Variants in SCHIP1 observed in about 807,000 individuals in gnomAD.
SCHIP1 encodes the protein schwannomin interacting protein 1.
Under a neutral mutation model 29.7 loss-of-function variants are expected in SCHIP1, and 8 were observed. The observed-to-expected ratio is 0.27, with a 90% CI of 0.16 to 0.49. The LOEUF (loss-of-function observed/expected upper bound fraction) is 0.49, where lower values mean the gene tolerates loss of function less well. SCHIP1 is among the 20% of genes least tolerant of loss of function. The probability of loss-of-function intolerance (pLI) is 0.99; values close to 1 mark genes in which losing one functional copy is unlikely to be tolerated. For missense variants in SCHIP1, 193 were observed against 294.6 expected (o/e 0.66, Z 2.52); for synonymous variants, 76 against 94.9 (o/e 0.80, Z 1.16).
chr3:159,853,325 C>A, intron 1 of SCHIP1: 1 of 663,754 alleles, frequency 1.5e-6, no homozygotes, highest in South Asian at 1.7e-5. Flanking sequence ...GGCACATCAG[C>A]CTATCAGAAT....
the SCHIP1 span, among the ~76,000 whole-genome samples, chr3:159,494,223 G>A: frequency 6.6e-6 from 1 of 152,088 alleles, no homozygotes; most frequent in African/African-American, 2.4e-5. Context: ...ACATTCAAAA[G>A]CTAGCAGAAG....
the SCHIP1 span, among the ~76,000 whole-genome samples, chr3:159,740,771 GAAAAAAAAA>G: frequency 4.8e-5 from 5 of 104,884 alleles, 1 homozygote; most frequent in East Asian, 2.8e-4. Context: ...CAAAAAAAAA[GAAAAAAAAA>G]AAAAAAAAAA....
the SCHIP1 span, among the ~76,000 whole-genome samples, chr3:159,786,945 T>G: frequency 1.3e-5 from 2 of 152,090 alleles, no homozygotes; most frequent in Non-Finnish European, 2.9e-5. Context: ...AAAGAAGAAC[T>G]CACAGTAAGC....
the SCHIP1 span, among the ~76,000 whole-genome samples, chr3:159,434,623 C>G: frequency 6.6e-6 from 1 of 152,112 alleles, no homozygotes; most frequent in Non-Finnish European, 1.5e-5. Context: ...ATGTGCCTGT[C>G]TCCTTTTAAT....
chr3:159,419,719 G>A, the SCHIP1 span, among the ~76,000 whole-genome samples: 1 of 152,172 alleles, frequency 6.6e-6, no homozygotes, highest in African/African-American at 2.4e-5. Flanking sequence ...TGAGGCAGAA[G>A]AATTGCTTGA....
At chr3:159,613,251 G>C in the SCHIP1 span, among the ~76,000 whole-genome samples, 1 of 152,114 alleles carries the variant, frequency 6.6e-6, no homozygotes, top group African/African-American at 2.4e-5. Context: ...ATGAATAATT[G>C]AGTCTGAGGT....
chr3:159,447,694 T>C, the SCHIP1 span, among the ~76,000 whole-genome samples: 8 of 152,344 alleles, frequency 5.3e-5, no homozygotes, highest in African/African-American at 1.9e-4. Context: ...CCCACCCTGC[T>C]TCCCAGGCTC....
At chr3:159,874,950 G>A (rs145295498) in intron 2 of SCHIP1, among the ~76,000 whole-genome samples, 317 of 149,366 alleles carry the variant, frequency 2.1e-3, no homozygotes, top group African/African-American at 7.5e-3. Context: ...TCCAAGGTGT[G>A]TGTCATTGCA....
chr3:159,593,142 G>A, the SCHIP1 span, among the ~76,000 whole-genome samples: 7 of 152,128 alleles, frequency 4.6e-5, no homozygotes, highest in Non-Finnish European at 8.8e-5. Context: ...CTATTTTAGG[G>A]CTTGTAGAAG....
At chr3:159,507,958 G>C in the SCHIP1 span, among the ~76,000 whole-genome samples, 3 of 152,136 alleles carry the variant, frequency 2.0e-5, no homozygotes, top group East Asian at 1.9e-4. Flanking sequence ...CCAGGCTTTG[G>C]TATCAGGATG....
the SCHIP1 span, among the ~76,000 whole-genome samples, chr3:159,818,644 C>T: frequency 6.6e-6 from 1 of 152,206 alleles, no homozygotes; most frequent in Non-Finnish European, 1.5e-5. Flanking sequence ...AGGAGCTGTG[C>T]CAGGGGCTTT....
At chr3:159,806,099 G>A in the SCHIP1 span, among the ~76,000 whole-genome samples, 10 of 152,246 alleles carry the variant, frequency 6.6e-5, no homozygotes, top group Non-Finnish European at 8.8e-5. Flanking sequence ...GTGAGCCACC[G>A]CGCCTGGCCA....
the SCHIP1 span, chr3:159,765,588 T>A: frequency 6.2e-6 from 1 of 161,016 alleles, no homozygotes; most frequent in African/African-American, 2.4e-5. Flanking sequence ...TATATAGGCT[T>A]GTTCCTATGC....
Position 159,886,123 on chromosome 3 carries a change from G to T in SCHIP1, c.150-84G>T. ...TGAAGAACACATAAGACTACTTTCT[G>T]TTAGCAAAATCAGACAGTTCTATTG... On this transcript the variant is annotated intron_variant, in intron 2 of 6. Coordinates refer to ENST00000445224, the Ensembl canonical transcript of SCHIP1. 7 of 1,469,124 alleles carry T rather than the reference G, an allele frequency of 4.8e-6. No individual in the cohort carries two copies. In the South Asian group the frequency reaches 7.2e-5, roughly 15 times the overall value. The allele number at this position is 1,469,124 out of a possible 1,614,324, so 91.0% of individuals were successfully genotyped here.
chr3:159,764,671 G>A, the SCHIP1 span: 22 of 1,592,258 alleles, frequency 1.4e-5, no homozygotes, highest in African/African-American at 2.6e-4. This position sits in a 1 kb window ranked among gnomAD's most constrained non-coding sequence, Gnocchi z 6.1. Flanking sequence ...GGAGGAGGAC[G>A]GGGAGGAGGA....
At chr3:159,675,287 G>A in the SCHIP1 span, among the ~76,000 whole-genome samples, 1 of 152,122 alleles carries the variant, frequency 6.6e-6, no homozygotes, top group African/African-American at 2.4e-5. Flanking sequence ...CTAGTGAAGA[G>A]GAAAATGCAT....
At chr3:159,745,921 G>C in the SCHIP1 span, among the ~76,000 whole-genome samples, 4 of 152,240 alleles carry the variant, frequency 2.6e-5, no homozygotes, top group Non-Finnish European at 5.9e-5. Flanking sequence ...CATATCCTAT[G>C]ACTCTGATAC....
At chr3:159,407,693 C>A in the SCHIP1 span, among the ~76,000 whole-genome samples, 1 of 152,102 alleles carries the variant, frequency 6.6e-6, no homozygotes, top group Admixed American at 6.5e-5. Context: ...TCTTCTCTGA[C>A]CACAGTGGAA....
the SCHIP1 span, among the ~76,000 whole-genome samples, chr3:159,549,569 G>C: frequency 2.0e-5 from 3 of 152,244 alleles, 1 homozygote; most frequent in African/African-American, 7.2e-5. Flanking sequence ...CACACAGTGA[G>C]ATAACAGTCA....
Sources: allele counts gnomAD v4.1 joint callset (sites outside exome capture counted in the v4.1 genomes callset), GRCh38; gene constraint gnomAD v4.1.1; non-coding constraint Gnocchi (gnomAD v3.1); transcripts MANE v1.5; gene names NCBI Gene and HGNC (gene_info 2026-07-23, HGNC 2026-07-21).